The following SLC25A48 variants were observed in gnomAD, a reference collection of about 807,000 sequenced individuals.
The protein encoded by SLC25A48 is CTC-321K16.1.
In SLC25A48, 29 loss-of-function variants were observed where a neutral mutation model predicts 32.2. That is an observed-to-expected ratio of 0.90 (90% CI 0.67 to 1.23). The LOEUF is 1.23. Ranked by LOEUF, SLC25A48 falls within the 50% of genes most tolerant of loss-of-function variation. The probability of loss-of-function intolerance (pLI) is 0.00; values close to 1 mark genes in which losing one functional copy is unlikely to be tolerated. For synonymous variants in SLC25A48, 164 were observed against 172.3 expected, an observed-to-expected ratio of 0.95 and a Z score of 0.38; for missense variants, 399 against 422.7, an observed-to-expected ratio of 0.94 and a Z score of 0.49.
intron 3 of SLC25A48, among the ~76,000 whole-genome samples, chr5:135,712,007 C>T (rs1224900048): frequency 6.6e-6 from 1 of 152,030 alleles, no homozygotes; most frequent in African/African-American, 2.4e-5. Flanking sequence ...CAACTTCTCG[C>T]AAGTCTGCTT....
chr5:135,603,576 G>A (rs1024340497), intron 1 of SLC25A48, among the ~76,000 whole-genome samples: 4 of 152,262 alleles, frequency 2.6e-5, no homozygotes, highest in East Asian at 3.9e-4. Flanking sequence ...GGGGGGGTGC[G>A]AGCCAGCTCA....
chr5:135,760,936 G>T (rs1756046480), intron 3 of SLC25A48, among the ~76,000 whole-genome samples: 1 of 152,112 alleles, frequency 6.6e-6, no homozygotes, highest in Non-Finnish European at 1.5e-5. Context: ...AGTCTGCAAG[G>T]TGTAGTATTT....
At chr5:135,777,395 A>AT (rs1218821275) in intron 3 of SLC25A48, among the ~76,000 whole-genome samples, 29 of 151,172 alleles carry the variant, frequency 1.9e-4, no homozygotes, top group African/African-American at 6.8e-4. Context: ...CCCCAGTGTG[A>AT]TTTTTTATTA....
intron 3 of SLC25A48, among the ~76,000 whole-genome samples, chr5:135,737,774 C>A (rs1196650304): frequency 6.6e-6 from 1 of 152,130 alleles, no homozygotes; most frequent in Non-Finnish European, 1.5e-5. Flanking sequence ...GCTGCACCTC[C>A]GGGTCACTTT....
chr5:135,837,661 A>T (rs1758647682), intron 1 of SLC25A48, among the ~76,000 whole-genome samples: 1 of 151,838 alleles, frequency 6.6e-6, no homozygotes, highest in African/African-American at 2.4e-5. Context: ...GTCTCATGAG[A>T]TCCAATGGCT....
chr5:135,766,717 G>A (rs1052216777), intron 3 of SLC25A48, among the ~76,000 whole-genome samples: 5 of 151,152 alleles, frequency 3.3e-5, no homozygotes, highest in African/African-American at 1.2e-4. Flanking sequence ...GGGGAGAGTG[G>A]GTGCTATTAC....
intron 1 of SLC25A48, among the ~76,000 whole-genome samples, chr5:135,623,931 A>G (rs1455141143): frequency 6.6e-6 from 1 of 152,158 alleles, no homozygotes; most frequent in Non-Finnish European, 1.5e-5. Context: ...GAGGAATGGC[A>G]AGGCTCTCCA....
At chr5:135,600,829 C>T (rs73300453) in intron 1 of SLC25A48, among the ~76,000 whole-genome samples, 2 of 149,662 alleles carry the variant, frequency 1.3e-5, no homozygotes, top group South Asian at 2.2e-4. Context: ...ACTACAGGTA[C>T]GTGCCACCAT....
chr5:135,695,528 G>A (rs952810906), intron 3 of SLC25A48, among the ~76,000 whole-genome samples: 3 of 152,150 alleles, frequency 2.0e-5, no homozygotes, highest in Non-Finnish European at 4.4e-5. Context: ...CCTGCCCCTG[G>A]TATGCCAAAA....
chr5:135,690,147 C>T (rs1226873755), intron 3 of SLC25A48, among the ~76,000 whole-genome samples: 1 of 152,014 alleles, frequency 6.6e-6, no homozygotes, highest in African/African-American at 2.4e-5. Context: ...AGTTGGTCAC[C>T]CCAAAAATTA....
At chr5:135,798,706 C>T (rs1757247393) in intron 3 of SLC25A48, among the ~76,000 whole-genome samples, 1 of 151,162 alleles carries the variant, frequency 6.6e-6, no homozygotes, top group Non-Finnish European at 1.5e-5. Flanking sequence ...TGTACACTCT[C>T]CCTGTGATAT....
intron 3 of SLC25A48, among the ~76,000 whole-genome samples, chr5:135,800,634 T>G (rs949608466): frequency 6.6e-6 from 1 of 151,732 alleles, no homozygotes; most frequent in African/African-American, 2.4e-5. Context: ...GTTTCTAATA[T>G]CCAGAGGGGA....
rs931132958 is a variant in SLC25A48, at chr5:135,789,270, G to T, written c.-520-23253G>T. 1.3e-4 allele frequency among the ~76,000 whole-genome samples: 6 copies of T among 45,156 alleles called. No individual in the cohort carries two copies. In the East Asian group the frequency reaches 2.1e-3, roughly 16 times the overall value. 29.6% of individuals were successfully genotyped at this position (45,156 alleles called of 152,430 possible). ...GGTGTTACTTTCCATGTGGCAGGGG[G>T]TGTACACCCCCTGCCATATGTTTCG... On this transcript the variant is annotated intron_variant, in intron 3 of 10. Coordinates refer to the SLC25A48 transcript ENST00000646290.
At chr5:135,584,509 G>GGTA (rs1751317516) in intron 1 of SLC25A48, among the ~76,000 whole-genome samples, 1 of 152,206 alleles carries the variant, frequency 6.6e-6, no homozygotes, top group African/African-American at 2.4e-5. Flanking sequence ...AGCTGATAAT[G>GGTA]GTAAAGTGAG....
At chr5:135,796,912 C>T (rs1457781401) in intron 3 of SLC25A48, among the ~76,000 whole-genome samples, 12 of 151,614 alleles carry the variant, frequency 7.9e-5, no homozygotes, top group Non-Finnish European at 1.6e-4. Flanking sequence ...GTACACCCCT[C>T]CTGCGATATT....
intron 1 of SLC25A48, among the ~76,000 whole-genome samples, chr5:135,585,083 G>T (rs1176792096): frequency 1.3e-5 from 2 of 152,248 alleles, no homozygotes; most frequent in Non-Finnish European, 2.9e-5. Context: ...GCACTGCAGA[G>T]AGGCAGGTAG....
intron 3 of SLC25A48, among the ~76,000 whole-genome samples, chr5:135,743,450 T>A (rs563723687): frequency 6.6e-6 from 1 of 152,060 alleles, no homozygotes; most frequent in African/African-American, 2.4e-5. Context: ...CTAATTGTCC[T>A]ATGATACAGA....
intron 3 of SLC25A48, among the ~76,000 whole-genome samples, chr5:135,801,351 G>A (rs753002822): frequency 1.6e-4 from 24 of 151,202 alleles, no homozygotes; most frequent in Non-Finnish European, 1.9e-4. Context: ...GAAAAAAAAG[G>A]GGATGATATC....
At chr5:135,687,543 A>G (rs1287590220) in intron 3 of SLC25A48, among the ~76,000 whole-genome samples, 1 of 152,074 alleles carries the variant, frequency 6.6e-6, no homozygotes, top group African/African-American at 2.4e-5. Flanking sequence ...AATTTCCTTT[A>G]TGTCAATTCA....
Sources: gnomAD v4.1 joint callset for allele counts (sites outside exome capture counted in the v4.1 genomes callset) on GRCh38, gnomAD v4.1.1 for gene constraint, MANE v1.5 for transcripts, NCBI Gene and HGNC (gene_info 2026-07-23, HGNC 2026-07-21) for gene names.